Variants in NETO1 observed in about 807,000 individuals in gnomAD.
The protein encoded by NETO1 is neuropilin and tolloid like 1, also known as neuropilin and tolloid-like protein 1.
NETO1 carries 26 observed loss-of-function variants against 61.3 expected under a neutral mutation model. The observed-to-expected ratio is 0.42, with a 90% CI of 0.31 to 0.59. The LOEUF (loss-of-function observed/expected upper bound fraction) is 0.59. Among genes scored for constraint, NETO1 ranks in the 20% least tolerant of loss-of-function variants. The probability of loss-of-function intolerance (pLI) is 0.12; values close to 1 mark genes in which losing one functional copy is unlikely to be tolerated. For synonymous variants in NETO1, 225 were observed against 225.8 expected, an observed-to-expected ratio of 1.00 and a Z score of 0.03; for missense variants, 531 against 662.8, an observed-to-expected ratio of 0.80 and a Z score of 2.18.
At chr18:72,835,179 G>T in intron 4 of NETO1, 1 of 1,320,056 alleles carries the variant, frequency 7.6e-7, no homozygotes, top group South Asian at 2.4e-5. Context: ...ACAAATCGTG[G>T]TGCACCTGGA....
At chr18:72,787,618 A>G (rs2071966327) in intron 6 of NETO1, among the ~76,000 whole-genome samples, 2 of 152,334 alleles carry the variant, frequency 1.3e-5, no homozygotes, top group South Asian at 2.1e-4. Context: ...AGACACTGCT[A>G]ATGCATTATT....
chr18:72,783,644 C>T (rs76761660), intron 7 of NETO1, 34 bp downstream of exon 7: 73,288 of 1,582,644 alleles, frequency 0.046, 2,026 homozygotes, highest in Non-Finnish European at 0.05. Context: ...ATGGCATATA[C>T]GAAGGAAAAA....
intron 1 of NETO1, 23 bp from the exon 2 acceptor site, chr18:72,865,264 G>T (rs371466635): frequency 8.1e-5 from 126 of 1,564,644 alleles, no homozygotes; most frequent in Non-Finnish European, 1.0e-4. Context: ...AGAAAAATTA[G>T]AGATAAAATA....
At chr18:72,843,179 C>A (rs1405805981) in intron 4 of NETO1, among the ~76,000 whole-genome samples, 1 of 151,978 alleles carries the variant, frequency 6.6e-6, no homozygotes, top group Non-Finnish European at 1.5e-5. Flanking sequence ...AATATTTTAC[C>A]CGTTCTTATG....
At chr18:72,803,853 G>A (rs2072588828) in intron 4 of NETO1, among the ~76,000 whole-genome samples, 1 of 151,214 alleles carries the variant, frequency 6.6e-6, no homozygotes, top group South Asian at 2.1e-4. Context: ...CTTTCCTGCT[G>A]TTCCAACTAC....
rs147344239 is a variant in NETO1 at position 72,840,829 on chromosome 18, G to A, written c.469+17997C>T. ...ACTGATATTAGAAATGATCACAATA[G>A]TACAGTAAAGAAAATCTTAGTACAC... is the stretch of plus-strand genomic sequence containing the variant. On this transcript the variant is annotated intron_variant, in intron 4 of 10. Coordinates refer to ENST00000327305, the MANE Select transcript of NETO1 (RefSeq NM_138966.5). 2.0e-5 allele frequency among the ~76,000 whole-genome samples: 3 copies of A among 152,222 alleles called. No individual in the cohort carries two copies. The East Asian group carries it at 5.8e-4, about 29-fold the overall frequency.
intron 4 of NETO1, among the ~76,000 whole-genome samples, chr18:72,843,290 AC>A (rs2073989202): frequency 6.6e-6 from 1 of 152,198 alleles, no homozygotes; most frequent in South Asian, 2.1e-4. Flanking sequence ...AGAGAATCAA[AC>A]AACAGATAGA....
At chr18:72,748,355 T>C (rs1387668943) in intron 10 of NETO1, 191 bp from the exon 11 acceptor site, 1 of 945,800 alleles carries the variant, frequency 1.1e-6, no homozygotes, top group African/African-American at 1.8e-5. Context: ...AATATAGATA[T>C]AAACAATCAA....
At chr18:72,854,054 T>C (rs2074341474) in intron 4 of NETO1, among the ~76,000 whole-genome samples, 1 of 152,170 alleles carries the variant, frequency 6.6e-6, no homozygotes. Flanking sequence ...ATATATTTCA[T>C]TTAATATGCA....
chr18:72,808,354 G>A (rs193260361), intron 4 of NETO1, among the ~76,000 whole-genome samples: 5 of 152,080 alleles, frequency 3.3e-5, no homozygotes, highest in Admixed American at 2.0e-4. Flanking sequence ...CGTGACATAG[G>A]TTGCAGAGGA....
At chr18:72,786,410 C>A (rs72966361) in intron 6 of NETO1, among the ~76,000 whole-genome samples, 3,539 of 152,238 alleles carry the variant, frequency 0.023, 36 homozygotes, top group Non-Finnish European at 0.029. Context: ...ATGAATCAAA[C>A]TGAACAACAG....
intron 6 of NETO1, among the ~76,000 whole-genome samples, chr18:72,789,563 G>T (rs1249461549): frequency 1.3e-5 from 2 of 152,016 alleles, no homozygotes; most frequent in African/African-American, 2.4e-5. Context: ...CTATTGCTCG[G>T]TAACAAATCA....
At chr18:72,858,336 C>T (rs990684944) in intron 4 of NETO1, among the ~76,000 whole-genome samples, 2 of 152,146 alleles carry the variant, frequency 1.3e-5, no homozygotes, top group African/African-American at 4.8e-5. Context: ...CATCAAAACT[C>T]TTAAGAATTT....
chr18:72,854,519 ACC>A (rs2074356817), intron 4 of NETO1, among the ~76,000 whole-genome samples: 1 of 152,330 alleles, frequency 6.6e-6, no homozygotes, highest in South Asian at 2.1e-4. Context: ...TGGAAGGGCC[ACC>A]TTCTCCAGGA....
chr18:72,805,131 A>C (rs1174314007), intron 4 of NETO1, among the ~76,000 whole-genome samples: 1 of 152,200 alleles, frequency 6.6e-6, no homozygotes, highest in Non-Finnish European at 1.5e-5. Flanking sequence ...TGCAGCACCA[A>C]TATTTAACTG....
chr18:72,826,680 A>C (rs2145348971), intron 4 of NETO1, among the ~76,000 whole-genome samples: 1 of 152,282 alleles, frequency 6.6e-6, no homozygotes, highest in Non-Finnish European at 1.5e-5. Context: ...TGACACTTTC[A>C]AAAACAACAA....
chr18:72,844,279 A>G (rs2074019446), intron 4 of NETO1, among the ~76,000 whole-genome samples: 1 of 152,188 alleles, frequency 6.6e-6, no homozygotes, highest in Non-Finnish European at 1.5e-5. Flanking sequence ...CTACTGTAAG[A>G]TTGCTTCTAA....
intron 6 of NETO1, among the ~76,000 whole-genome samples, chr18:72,792,206 C>T (rs756823591): frequency 5.9e-5 from 9 of 152,032 alleles, no homozygotes; most frequent in Non-Finnish European, 1.3e-4. Flanking sequence ...CCGATGTGGG[C>T]AGATCACCTG....
At chr18:72,742,904 C>T (rs907139391), downstream of NETO1, 3 of 152,156 alleles carry the variant, frequency 2.0e-5, no homozygotes, top group African/African-American at 4.8e-5. Flanking sequence ...AGTCAACCAT[C>T]ACCTTGAAAC....
Sources: gnomAD v4.1 joint callset for allele counts (sites outside exome capture counted in the v4.1 genomes callset) on GRCh38, gnomAD v4.1.1 for gene constraint, MANE v1.5 for transcripts, NCBI Gene and HGNC (gene_info 2026-07-23, HGNC 2026-07-21) for gene names.